The following PWWP2A variants were observed in gnomAD, a reference collection of about 807,000 sequenced individuals.
PWWP2A encodes PWWP domain containing 2A, also known as PWWP domain-containing protein 2A.
A neutral mutation model predicts 48.5 loss-of-function variants in PWWP2A; 18 were observed. That is an observed-to-expected ratio of 0.37 (90% confidence interval 0.26 to 0.55). The LOEUF (loss-of-function observed/expected upper bound fraction) is 0.55, where lower values mean the gene tolerates loss of function less well. PWWP2A is among the 20% of genes least tolerant of loss of function. The pLI is 0.81. For synonymous variants in PWWP2A, 396 were observed against 387.7 expected (o/e 1.02, Z -0.25); for missense variants, 867 against 976.4 (o/e 0.89, Z 1.49).
the PWWP2A span, among the ~76,000 whole-genome samples, chr5:160,050,423 G>A: frequency 3.3e-5 from 5 of 152,172 alleles, no homozygotes; most frequent in East Asian, 9.7e-4. Flanking sequence ...CTCCAGTCTG[G>A]GCGACAGTGT....
intron 1 of PWWP2A, among the ~76,000 whole-genome samples, chr5:160,110,176 A>G (rs1757415634): frequency 6.6e-6 from 1 of 151,226 alleles, no homozygotes; most frequent in Non-Finnish European, 1.5e-5. Context: ...ACACACCACC[A>G]CAGCCGGCTA....
chr5:160,102,672 C>T (rs1221500365), intron 1 of PWWP2A, among the ~76,000 whole-genome samples: 4 of 152,072 alleles, frequency 2.6e-5, no homozygotes, highest in East Asian at 1.9e-4. Context: ...AATTACATAG[C>T]GGAGAAACAG....
At chr5:160,055,810 T>A in the PWWP2A span, among the ~76,000 whole-genome samples, 2 of 152,378 alleles carry the variant, frequency 1.3e-5, no homozygotes, top group Non-Finnish European at 2.9e-5. Flanking sequence ...AAAGCAGCCA[T>A]GGCACTGAGT....
intron 1 of PWWP2A, among the ~76,000 whole-genome samples, chr5:160,097,200 G>C (rs1755741188): frequency 6.6e-6 from 1 of 151,926 alleles, no homozygotes; most frequent in African/African-American, 2.4e-5. Flanking sequence ...AGCCTGGTGT[G>C]GGGGTATGTA....
Position 160,092,417 on chromosome 5 carries a change from CG to C in PWWP2A, c.2232del (p.Glu745LysfsTer6), listed in dbSNP as rs1581195764. ...AACTGTGTCAACAAAGCCCGCACTT[CG>C]GGGGTCAGCTGCTTGGCAGCCTTAG... ...EAAKAAKQLT[P>X]EVRALLTQFE... is the part of the protein sequence containing the mutation. On this transcript the variant is annotated frameshift_variant, in exon 2 of 2. Transcript: ENST00000307063. LOFTEE classifies it high-confidence loss of function. The C allele has an allele frequency of 6.5e-7, 1 of 1,549,414 alleles. No individual in the cohort carries two copies.
At chr5:160,068,040 G>T (rs1160393110) in intron 2 of PWWP2A, among the ~76,000 whole-genome samples, 5 of 152,186 alleles carry the variant, frequency 3.3e-5, no homozygotes, top group Non-Finnish European at 5.9e-5. Flanking sequence ...GATTAGCCAG[G>T]CACAATGGCA....
chr5:160,070,514 G>A (rs1049648994), intron 2 of PWWP2A, among the ~76,000 whole-genome samples: 6 of 152,142 alleles, frequency 3.9e-5, no homozygotes, highest in African/African-American at 1.4e-4. Context: ...GCTTTTCCAT[G>A]TGTGCTTCCC....
chr5:160,090,206 A>C, downstream of PWWP2A: 1 of 985,328 alleles, frequency 1.0e-6, no homozygotes, highest in Non-Finnish European at 1.2e-6. Flanking sequence ...GGCTTCTGAA[A>C]CAAATCCAAT....
chr5:160,117,754 CT>C (rs1443256284), intron 1 of PWWP2A: 2 of 343,020 alleles, frequency 5.8e-6, no homozygotes, highest in Non-Finnish European at 8.2e-6. Flanking sequence ...TTTTAAATGG[CT>C]TTTTTCCCCA....
intron 2 of PWWP2A, chr5:160,080,881 A>G (rs1217451134): frequency 2.1e-6 from 2 of 958,900 alleles, no homozygotes; most frequent in East Asian, 2.7e-5. Context: ...GTGAATTTTC[A>G]TAACAAATTT....
chr5:160,103,120 T>C (rs543562903), intron 1 of PWWP2A, among the ~76,000 whole-genome samples: 1 of 152,336 alleles, frequency 6.6e-6, no homozygotes, highest in South Asian at 2.1e-4. Flanking sequence ...GAAACAAATT[T>C]ATTTACATAG....
the PWWP2A span, among the ~76,000 whole-genome samples, chr5:160,053,551 G>A: frequency 6.6e-6 from 1 of 152,124 alleles, no homozygotes; most frequent in South Asian, 2.1e-4. Context: ...GTGACAGAGT[G>A]AGACCTTGTC....
At chr5:160,090,601 A>G (rs544224389), downstream of PWWP2A, 226 of 985,136 alleles carry the variant, frequency 2.3e-4, no homozygotes, top group Admixed American at 3.1e-4. Context: ...TCCCCATAAG[A>G]AATTCTACTT....
chr5:160,046,187 C>T, the PWWP2A span, among the ~76,000 whole-genome samples: 1 of 152,236 alleles, frequency 6.6e-6, no homozygotes, highest in East Asian at 1.9e-4. Context: ...CCTTACTTCA[C>T]TTCCATGGAG....
downstream of PWWP2A, among the ~76,000 whole-genome samples, chr5:160,075,488 A>G (rs893904010): frequency 1.3e-5 from 2 of 152,132 alleles, no homozygotes; most frequent in African/African-American, 4.8e-5. Context: ...CTCTCACTCA[A>G]TGTGCTGGGC....
At chr5:160,079,152 C>T (rs1290059598) in intron 3 of PWWP2A, among the ~76,000 whole-genome samples, 1 of 152,080 alleles carries the variant, frequency 6.6e-6, no homozygotes, top group Non-Finnish European at 1.5e-5. Flanking sequence ...ATAACAAACA[C>T]ATCAAACACA....
chr5:160,083,100 A>T (rs1187052376), intron 2 of PWWP2A, among the ~76,000 whole-genome samples: 2 of 152,240 alleles, frequency 1.3e-5, no homozygotes, highest in African/African-American at 4.8e-5. Context: ...AACATGAACA[A>T]GCAGGAAAAG....
chr5:160,089,799 A>G, downstream of PWWP2A: 1 of 985,376 alleles, frequency 1.0e-6, no homozygotes, highest in Non-Finnish European at 1.2e-6. Context: ...CTCCAAGGGG[A>G]AAAAATACCC....
In PWWP2A at chr5:160,091,457, C is replaced by T. The variant is rs530226314; in HGVS notation, c.*925G>A. On this transcript the variant is annotated 3_prime_UTR_variant, in exon 2 of 2. Transcript: ENST00000307063. The stretch of plus-strand genomic sequence containing the variant: ...CTGACCTGCAAACAGATACCTTAAA[C>T]GGAAATTATTTTGTTTTAATTATCA... 34 of 973,096 alleles carry T rather than the reference C, an allele frequency of 3.5e-5. No individual in the cohort carries two copies. The highest frequency in any genetic ancestry group is 1.8e-4 in the African/African-American group (10 of 54,558). The allele number at this position is 973,096 out of a possible 1,614,324, so 60.3% of individuals were successfully genotyped here. A position where few individuals can be genotyped will look rare whatever the true frequency, so the allele number is the denominator to read the frequency against.
Sources: allele counts gnomAD v4.1 joint callset (sites outside exome capture counted in the v4.1 genomes callset), GRCh38; gene constraint gnomAD v4.1.1; transcripts MANE v1.5; gene names NCBI Gene and HGNC (gene_info 2026-07-23, HGNC 2026-07-21).